Variants in CAMK2D observed in about 807,000 individuals in gnomAD.
CAMK2D encodes calcium/calmodulin-dependent protein kinase type II subunit delta.
A neutral mutation model predicts 84.0 loss-of-function variants in CAMK2D; 37 were observed. That is an observed-to-expected ratio of 0.44 (90% CI 0.34 to 0.58). CAMK2D has a LOEUF of 0.58. Among genes scored for constraint, CAMK2D ranks in the 20% least tolerant of loss-of-function variants. CAMK2D has a pLI of 0.02. For missense variants in CAMK2D, 448 were observed against 652.5 expected, an observed-to-expected ratio of 0.69 and a Z score of 3.41; for synonymous variants, 202 against 212.5, an observed-to-expected ratio of 0.95 and a Z score of 0.43.
intron 3 of CAMK2D, among the ~76,000 whole-genome samples, chr4:113,660,392 A>G (rs2099224113): frequency 6.6e-6 from 1 of 152,164 alleles, no homozygotes; most frequent in Non-Finnish European, 1.5e-5. Flanking sequence ...ATCAATAACT[A>G]TAAGGTAAAC....
chr4:113,537,155 T>C lies in CAMK2D; in HGVS notation c.517+186A>G, dbSNP rs144875758. Among the ~76,000 whole-genome samples the C allele has an allele frequency of 2.6e-5, 4 of 152,328 alleles. 1 individual carries two copies. The East Asian group carries it at 7.7e-4, about 29-fold the overall frequency. On this transcript the variant is annotated intron_variant, in intron 7 of 20. Coordinates refer to ENST00000511664, the MANE Select transcript of CAMK2D (RefSeq NM_001321571.2). ...CCCATTAATATTTTCCCTTGAATTA[T>C]TTCTAGATTATATAACCTTTTATGT... is the stretch of plus-strand genomic sequence containing the variant.
chr4:113,583,106 C>T (rs949377356), intron 4 of CAMK2D, among the ~76,000 whole-genome samples: 1 of 152,156 alleles, frequency 6.6e-6, no homozygotes, highest in South Asian at 2.1e-4. Context: ...TAAATTGCTG[C>T]CATGCTAAAT....
At chr4:113,465,729 A>G (rs2154112484) in intron 16 of CAMK2D, 125 bp from the exon 17 acceptor site, 1 of 636,068 alleles carries the variant, frequency 1.6e-6, no homozygotes, top group Non-Finnish European at 2.8e-6. Context: ...CAGTAGCGCA[A>G]TCACAGCTCC....
At chr4:113,725,130 C>T (rs2148681760) in intron 2 of CAMK2D, among the ~76,000 whole-genome samples, 1 of 152,096 alleles carries the variant, frequency 6.6e-6, no homozygotes, top group Non-Finnish European at 1.5e-5. Flanking sequence ...TAGAAATGCA[C>T]TACATCAAAT....
chr4:113,549,654 C>G (rs1020453553), intron 5 of CAMK2D, among the ~76,000 whole-genome samples: 1 of 152,296 alleles, frequency 6.6e-6, no homozygotes, highest in Admixed American at 6.5e-5. Context: ...TATAAGTTCA[C>G]TGTGCAATTC....
At chr4:113,692,107 T>C (rs1295405315) in intron 2 of CAMK2D, among the ~76,000 whole-genome samples, 1 of 152,186 alleles carries the variant, frequency 6.6e-6, no homozygotes, top group African/African-American at 2.4e-5. Context: ...TAAGAGAAGA[T>C]TATCTCTAGC....
intron 2 of CAMK2D, among the ~76,000 whole-genome samples, chr4:113,680,982 G>A (rs2099344005): frequency 6.6e-6 from 1 of 152,162 alleles, no homozygotes; most frequent in South Asian, 2.1e-4. Flanking sequence ...AAAGAATGAA[G>A]TACAAAAGGA....
chr4:113,682,049 T>C (rs1346955454), intron 2 of CAMK2D, among the ~76,000 whole-genome samples: 2 of 152,192 alleles, frequency 1.3e-5, no homozygotes, highest in African/African-American at 2.4e-5. Context: ...ATTCTACCCC[T>C]TCCTTTCTGG....
intron 3 of CAMK2D, among the ~76,000 whole-genome samples, chr4:113,658,572 T>C (rs1435567200): frequency 6.6e-6 from 1 of 152,184 alleles, no homozygotes; most frequent in African/African-American, 2.4e-5. Flanking sequence ...CTCTGCTTCC[T>C]ATTTTTCCTC....
intron 11 of CAMK2D, 40 bp downstream of exon 11, chr4:113,513,790 T>G (rs1477774288): frequency 2.2e-6 from 2 of 910,254 alleles, no homozygotes; most frequent in East Asian, 4.8e-5. Flanking sequence ...CTTCTTAGTC[T>G]GTCAAATCTA....
At chr4:113,622,416 C>T (rs2099049965) in intron 3 of CAMK2D, among the ~76,000 whole-genome samples, 1 of 152,156 alleles carries the variant, frequency 6.6e-6, no homozygotes, top group Non-Finnish European at 1.5e-5. Flanking sequence ...AATTCCTTCA[C>T]ATTCTCCCTC....
intron 8 of CAMK2D, among the ~76,000 whole-genome samples, chr4:113,520,328 A>T (rs1334983098): frequency 6.6e-5 from 10 of 152,154 alleles, no homozygotes; most frequent in Admixed American, 2.0e-4. Flanking sequence ...GAATCGCTTC[A>T]ACTCAGGAGG....
intron 2 of CAMK2D, among the ~76,000 whole-genome samples, chr4:113,744,567 C>T (rs2099600196): frequency 1.3e-5 from 2 of 152,186 alleles, no homozygotes; most frequent in African/African-American, 4.8e-5. Context: ...ACACCACTAT[C>T]CTAGGCCCTC....
intron 8 of CAMK2D, among the ~76,000 whole-genome samples, chr4:113,526,169 C>T (rs1415420471): frequency 6.6e-6 from 1 of 152,158 alleles, no homozygotes; most frequent in Non-Finnish European, 1.5e-5. Context: ...ACACTTAAGA[C>T]ATTTTCATAG....
At chr4:113,744,258 A>G (rs573408628) in intron 2 of CAMK2D, among the ~76,000 whole-genome samples, 1 of 152,312 alleles carries the variant, frequency 6.6e-6, no homozygotes, top group East Asian at 1.9e-4. Flanking sequence ...ATTTTATGCA[A>G]TGTGCTAGGT....
At chr4:113,659,674 T>C (rs1396916227) in intron 3 of CAMK2D, among the ~76,000 whole-genome samples, 2 of 152,242 alleles carry the variant, frequency 1.3e-5, no homozygotes, top group Admixed American at 6.5e-5. Context: ...TCCAGAGCTA[T>C]GAGAAAATAA....
At chr4:113,694,169 C>G (rs1304887590) in intron 2 of CAMK2D, among the ~76,000 whole-genome samples, 2 of 152,098 alleles carry the variant, frequency 1.3e-5, no homozygotes, top group African/African-American at 2.4e-5. Flanking sequence ...AATGGAAATA[C>G]CATATGATAT....
chr4:113,688,740 C>T (rs936535560), intron 2 of CAMK2D, among the ~76,000 whole-genome samples: 3 of 152,092 alleles, frequency 2.0e-5, no homozygotes, highest in African/African-American at 4.8e-5. Context: ...AAGTCCATCA[C>T]ATCTTTGCTT....
At chr4:113,467,827 T>C (rs1437952508) in intron 16 of CAMK2D, among the ~76,000 whole-genome samples, 1 of 152,150 alleles carries the variant, frequency 6.6e-6, no homozygotes, top group Non-Finnish European at 1.5e-5. Flanking sequence ...CAAAAGCTAA[T>C]GACAGCTGAC....
Sources: gnomAD v4.1 joint callset for allele counts (sites outside exome capture counted in the v4.1 genomes callset) on GRCh38, gnomAD v4.1.1 for gene constraint, MANE v1.5 for transcripts, NCBI Gene and HGNC (gene_info 2026-07-23, HGNC 2026-07-21) for gene names.